BRWD1: variants seen among roughly 807,000 people sequenced by gnomAD.
BRWD1 encodes the protein bromodomain and WD repeat-containing protein 1.
In BRWD1, 82 loss-of-function variants were observed where a neutral mutation model predicts 251.2. The observed-to-expected ratio is 0.33, with a 90% confidence interval of 0.27 to 0.39. The LOEUF (loss-of-function observed/expected upper bound fraction) is 0.39, where lower values mean the gene tolerates loss of function less well. Among genes scored for constraint, BRWD1 ranks in the 10% least tolerant of loss-of-function variants. BRWD1 has a pLI of 1.00. For missense variants in BRWD1, 2,233 were observed against 2,711.6 expected (o/e 0.82, Z 3.92); for synonymous variants, 918 against 902.8 (o/e 1.02, Z -0.30).
intron 21 of BRWD1, among the ~76,000 whole-genome samples, chr21:39,246,453 TC>T (rs1409087214): frequency 1.1e-3 from 170 of 152,092 alleles, no homozygotes; most frequent in Non-Finnish European, 5.6e-4. Flanking sequence ...GTCTGGAGGG[TC>T]CTCAAAAAGT....
rs2033513039 is a variant in BRWD1, at chr21:39,229,325, A to G, written c.3112T>C (p.Ser1038Pro). ...AATAATACATACCTAATAGAGAAAG[A>G]TTTGTCCATAAGTTTTCCAGTTGCT... ...DPATGKLMDK[S>P]FSIRYHDMPD... Residue 1038 changes from serine to proline, a missense_variant, in exon 26 of 41, where the codon TCT (serine) becomes CCT (proline). Ser to Pro is a moderately conservative substitution (Grantham distance 74). Around this residue, in one of 12 missense-constraint regions of BRWD1, gnomAD observed 139 missense variants for 272.8 expected, o/e 0.51. Transcript: ENST00000342449. 1 of 1,599,832 alleles carries G rather than the reference A, an allele frequency of 6.3e-7. No homozygotes were observed. Among genetic ancestry groups the G allele is most frequent in the South Asian group, 1.1e-5 (1 of 90,564 alleles).
chr21:39,298,560 G>T lies in BRWD1; in HGVS notation c.221C>A (p.Ala74Asp). ...EELVLSNKHVAPDHLLQICQR... is the reference protein window; with the variant it reads ...EELVLSNKHVDPDHLLQICQR... Reference sequence around the variant, plus strand: ...GCAGATTTGCAAAAGATGATCAGGAGCCACATGCTTATTGGACAAGACCTA... The same window carrying T: ...GCAGATTTGCAAAAGATGATCAGGATCCACATGCTTATTGGACAAGACCTA... The change falls in exon 5 of 41, where the codon GCT (alanine) becomes GAT (aspartate). Residue 74 changes from alanine (A) to aspartate (D), a missense_variant. Coordinates refer to ENST00000342449, the MANE Select transcript of BRWD1 (RefSeq NM_033656.4). The T allele has an allele frequency of 6.2e-7, 1 of 1,600,432 alleles. No homozygotes were observed. Among genetic ancestry groups the T allele is most frequent in the Non-Finnish European group, 8.5e-7 (1 of 1,175,188 alleles).
At chr21:39,253,717 T>TA (rs2034472285) in intron 19 of BRWD1, among the ~76,000 whole-genome samples, 1 of 152,224 alleles carries the variant, frequency 6.6e-6, no homozygotes, top group Non-Finnish European at 1.5e-5. Context: ...ACTGAAACTC[T>TA]TCTGGTTAAA....
chr21:39,230,922 G>A (rs548833419), intron 25 of BRWD1, among the ~76,000 whole-genome samples: 1 of 152,190 alleles, frequency 6.6e-6, no homozygotes, highest in Admixed American at 6.5e-5. Flanking sequence ...AAAAGGCTCT[G>A]AGAGTACTGT....
intron 15 of BRWD1, among the ~76,000 whole-genome samples, chr21:39,268,604 T>C (rs529493883): frequency 6.6e-6 from 1 of 152,108 alleles, no homozygotes; most frequent in East Asian, 1.9e-4. Context: ...CTGAGGACAC[T>C]CTGTAACAAT....
chr21:39,311,256 C>G (rs1458883978), intron 4 of BRWD1, among the ~76,000 whole-genome samples: 3 of 152,192 alleles, frequency 2.0e-5, no homozygotes, highest in African/African-American at 7.2e-5. Context: ...CAGCCTCAAA[C>G]TCCCAGAGTC....
upstream of BRWD1, chr21:39,314,725 C>G (rs1203169427): frequency 1.6e-5 from 4 of 251,266 alleles, no homozygotes; most frequent in Non-Finnish European, 2.4e-5. Flanking sequence ...TTACTCATGG[C>G]AATAACCTAC....
chr21:39,216,939 C>T (rs1169799849), intron 31 of BRWD1, among the ~76,000 whole-genome samples: 1 of 146,532 alleles, frequency 6.8e-6, no homozygotes, highest in African/African-American at 2.5e-5. Context: ...CTTCCTGTCA[C>T]CCTCCAAAAG....
intron 8 of BRWD1, among the ~76,000 whole-genome samples, chr21:39,283,194 C>A (rs2035527596): frequency 6.6e-6 from 1 of 151,748 alleles, no homozygotes; most frequent in African/African-American, 2.4e-5. Flanking sequence ...GCTGTCCGTG[C>A]TTATATAATT....
intron 8 of BRWD1, among the ~76,000 whole-genome samples, chr21:39,291,044 C>G (rs1444262048): frequency 2.0e-5 from 3 of 152,090 alleles, no homozygotes; most frequent in African/African-American, 7.2e-5. Context: ...ATGGGCAGAC[C>G]TTGACCCCAG....
chr21:39,259,077 A>G (rs1286456972), intron 17 of BRWD1, among the ~76,000 whole-genome samples: 1 of 152,148 alleles, frequency 6.6e-6, no homozygotes, highest in African/African-American at 2.4e-5. Context: ...AAAATCCCTG[A>G]GATTTAATTT....
chr21:39,314,254 C>T (rs191317684), upstream of BRWD1: 5 of 455,698 alleles, frequency 1.1e-5, no homozygotes, highest in East Asian at 7.0e-5. Context: ...CTGGCGTTGC[C>T]GGAGCGTCTG....
chr21:39,270,603 G>C (rs1601427197), intron 13 of BRWD1, among the ~76,000 whole-genome samples, 170 bp from the exon 14 acceptor site: 1 of 152,156 alleles, frequency 6.6e-6, no homozygotes, highest in Admixed American at 6.5e-5. Flanking sequence ...AAACAGGTGA[G>C]GGCAAAACCT....
At chr21:39,258,126 A>G (rs536309921) in intron 18 of BRWD1, among the ~76,000 whole-genome samples, 17 of 152,346 alleles carry the variant, frequency 1.1e-4, no homozygotes, top group South Asian at 2.1e-4. Flanking sequence ...TTCTGATTCA[A>G]TAAGAAAAAT....
chr21:39,259,322 C>CT (rs2034665180), intron 17 of BRWD1, among the ~76,000 whole-genome samples: 1 of 152,116 alleles, frequency 6.6e-6, no homozygotes. Flanking sequence ...CGGAGTCTCA[C>CT]TTTTGTTGCC....
intron 20 of BRWD1, among the ~76,000 whole-genome samples, chr21:39,250,194 T>TAAG (rs1238125247): frequency 1.3e-5 from 2 of 152,082 alleles, no homozygotes; most frequent in African/African-American, 4.8e-5. Flanking sequence ...CCCAAGGAAC[T>TAAG]AAGGCCCATT....
intron 7 of BRWD1, among the ~76,000 whole-genome samples, chr21:39,295,482 C>T (rs1054860462): frequency 2.0e-5 from 3 of 152,066 alleles, no homozygotes; most frequent in African/African-American, 4.8e-5. Flanking sequence ...CCACCGCGCC[C>T]GGCCAGGTAT....
chr21:39,256,150 T>C (rs1034302123), intron 18 of BRWD1, among the ~76,000 whole-genome samples: 1 of 152,184 alleles, frequency 6.6e-6, no homozygotes, highest in African/African-American at 2.4e-5. Context: ...AAGATCAAAA[T>C]GTAGAATACG....
intron 4 of BRWD1, among the ~76,000 whole-genome samples, chr21:39,305,619 C>T (rs997165911): frequency 2.0e-5 from 3 of 152,056 alleles, no homozygotes; most frequent in Non-Finnish European, 2.9e-5. Flanking sequence ...AATTCCAGCA[C>T]TTTGGGAGGC....
Sources: allele counts gnomAD v4.1 joint callset (sites outside exome capture counted in the v4.1 genomes callset), GRCh38; gene constraint gnomAD v4.1.1; regional missense constraint gnomAD v4.1.1; transcripts MANE v1.5; gene names NCBI Gene and HGNC (gene_info 2026-07-23, HGNC 2026-07-21).